The following PCDH11X variants were observed in gnomAD, a reference collection of about 807,000 sequenced individuals.
PCDH11X encodes the protein protocadherin 11 X-linked.
PCDH11X carries 18 observed loss-of-function variants against 53.3 expected under a neutral mutation model. The observed-to-expected ratio is 0.34, with a 90% CI of 0.23 to 0.50. PCDH11X has a LOEUF of 0.50. PCDH11X is among the 20% of genes least tolerant of loss of function. PCDH11X has a pLI of 0.98. For synonymous variants in PCDH11X, 279 were observed against 393.3 expected (o/e 0.71, Z 3.44); for missense variants, 570 against 1,032.4 (o/e 0.55, Z 6.14).
rs376700432 is a variant in PCDH11X at position 91,835,984 on chromosome X, C to T, written c.480C>T (p.Leu160=). ...ENSAINSKYT[L]PAAVDPDVGI... Reference sequence around the variant, plus strand: ...CGGCTATAAACTCTAAATATACTCTCCCAGCGGCTGTTGATCCTGACGTAG... The same window carrying T: ...CGGCTATAAACTCTAAATATACTCTTCCAGCGGCTGTTGATCCTGACGTAG... Residue 160 remains leucine (L), a synonymous_variant, in exon 5 of 11, where the codon CTC becomes CTT. Transcript: ENST00000682573. The T allele has an allele frequency of 2.5e-6, 3 of 1,211,163 alleles. No individual in the cohort carries two copies. Among genetic ancestry groups the T allele is most frequent in the Non-Finnish European group, 3.4e-6 (3 of 895,358 alleles).
chrX:92,560,119 C>T (rs2075110724), intron 10 of PCDH11X, among the ~76,000 whole-genome samples: 1 of 112,074 alleles, frequency 8.9e-6, no homozygotes, highest in Non-Finnish European at 1.9e-5. Context: ...ACCAGCTCAG[C>T]CACAGTAGGA....
intron 6 of PCDH11X, among the ~76,000 whole-genome samples, chrX:92,127,983 G>T (rs2064900332): frequency 8.9e-6 from 1 of 111,792 alleles, no homozygotes; most frequent in African/African-American, 3.3e-5. Context: ...AGCCAAAAGA[G>T]TAATTTTGTC....
chrX:92,431,714 A>G (rs2148625841), intron 9 of PCDH11X, among the ~76,000 whole-genome samples: 1 of 108,901 alleles, frequency 9.2e-6, no homozygotes, highest in South Asian at 4.0e-4. Flanking sequence ...GATCAAGGCA[A>G]GAATTTCGGA....
At chrX:92,474,219 C>T (rs1603339270) in intron 10 of PCDH11X, among the ~76,000 whole-genome samples, 3 of 110,916 alleles carry the variant, frequency 2.7e-5, no homozygotes, top group African/African-American at 9.8e-5. Flanking sequence ...TTCTTTGTCT[C>T]ATAGTTTTTA....
chrX:91,882,874 G>C (rs4252203), intron 6 of PCDH11X: 16,710 of 1,180,705 alleles, frequency 0.014, 110 homozygotes, highest in Non-Finnish European at 0.016. Flanking sequence ...ACAACCATCT[G>C]ATTTTGATAA....
chrX:92,201,122 C>T (rs1019870168), intron 6 of PCDH11X: 1 of 113,442 alleles, frequency 8.8e-6, no homozygotes, highest in South Asian at 3.7e-4. Context: ...TGTAACACTC[C>T]ATGTAAACTC....
At chrX:92,007,725 C>T (rs922217045) in intron 6 of PCDH11X, among the ~76,000 whole-genome samples, 2 of 111,728 alleles carry the variant, frequency 1.8e-5, no homozygotes, top group Admixed American at 1.9e-4. Context: ...AGTTTTGCCC[C>T]GGAGCCACCA....
At chrX:92,383,047 TA>T (rs1041382813) in intron 8 of PCDH11X, among the ~76,000 whole-genome samples, 2 of 109,538 alleles carry the variant, frequency 1.8e-5, no homozygotes, top group African/African-American at 3.3e-5. Context: ...TAATAATACA[TA>T]AAAGTACCTA....
chrX:92,428,567 T>C (rs971269486), intron 9 of PCDH11X, among the ~76,000 whole-genome samples: 1 of 110,968 alleles, frequency 9.0e-6, no homozygotes, highest in Non-Finnish European at 1.9e-5. Flanking sequence ...TAGCACTCCA[T>C]GAGCTTTATT....
intron 8 of PCDH11X, among the ~76,000 whole-genome samples, chrX:92,330,531 A>G (rs770497077): frequency 9.1e-6 from 1 of 109,785 alleles, no homozygotes; most frequent in South Asian, 3.9e-4. Flanking sequence ...TAATAAAGTT[A>G]AACCTACTCC....
At chrX:92,270,781 A>G (rs757756695) in intron 8 of PCDH11X, among the ~76,000 whole-genome samples, 3 of 112,327 alleles carry the variant, frequency 2.7e-5, no homozygotes, top group African/African-American at 6.5e-5. Context: ...TGGAGTAGCT[A>G]TCTATGGAGC....
At chrX:91,824,558 T>C (rs1037122286) in intron 4 of PCDH11X, among the ~76,000 whole-genome samples, 1 of 108,030 alleles carries the variant, frequency 9.3e-6, no homozygotes, top group Non-Finnish European at 1.9e-5. Context: ...GTATTGGTTA[T>C]TCTAGTTATA....
chrX:92,609,391 G>T (rs1252626872), intron 10 of PCDH11X, among the ~76,000 whole-genome samples: 3 of 111,177 alleles, frequency 2.7e-5, no homozygotes, highest in Non-Finnish European at 5.7e-5. Context: ...GAAGATTCTA[G>T]ATGTTTGGAA....
At chrX:92,430,088 A>G (rs776474300) in intron 9 of PCDH11X, among the ~76,000 whole-genome samples, 2 of 102,972 alleles carry the variant, frequency 1.9e-5, no homozygotes, top group South Asian at 8.5e-4. Context: ...ACCCACTGTG[A>G]AAATATCATT....
intron 6 of PCDH11X, among the ~76,000 whole-genome samples, chrX:91,954,989 A>G (rs1353048034): frequency 9.1e-6 from 1 of 109,980 alleles, no homozygotes; most frequent in African/African-American, 3.4e-5. Context: ...TTGCTATTGT[A>G]GCCATTGCTT....
intron 10 of PCDH11X, among the ~76,000 whole-genome samples, chrX:92,545,387 C>CTTTTTT (rs566573698): frequency 1.5e-5 from 1 of 66,053 alleles, no homozygotes; most frequent in Non-Finnish European, 2.6e-5. Flanking sequence ...GGTTAAATTC[C>CTTTTTT]TTTTTTTTTT....
In PCDH11X at chrX:92,138,670, C is replaced by T. The variant is rs201354769; in HGVS notation, c.3034-62705C>T. On this transcript the variant is annotated intron_variant, in intron 6 of 10. Transcript: ENST00000682573. The stretch of plus-strand genomic sequence containing the variant: ...TATTCGTCTTGACTTAAAAAGTGTC[C>T]AATGTATCAGAGCCCTAAAATTAAA... Among the ~76,000 whole-genome samples the T allele has an allele frequency of 2.7e-5, 3 of 110,302 alleles. No homozygotes were observed. In the East Asian group the frequency reaches 8.5e-4, roughly 31 times the overall value.
At chrX:91,783,283 A>G (rs994511161) in intron 1 of PCDH11X, among the ~76,000 whole-genome samples, 57 of 110,916 alleles carry the variant, frequency 5.1e-4, no homozygotes, top group African/African-American at 1.8e-3. Flanking sequence ...CATTTTCTAG[A>G]GCTCAGTCAT....
intron 8 of PCDH11X, among the ~76,000 whole-genome samples, chrX:92,322,534 T>A (rs1186737039): frequency 9.0e-6 from 1 of 111,530 alleles, no homozygotes; most frequent in Non-Finnish European, 1.9e-5. Flanking sequence ...AGTCTTTATA[T>A]CTTATTTACT....
Sources: gnomAD v4.1 joint callset for allele counts (sites outside exome capture counted in the v4.1 genomes callset) on GRCh38, gnomAD v4.1.1 for gene constraint, MANE v1.5 for transcripts, NCBI Gene and HGNC (gene_info 2026-07-23, HGNC 2026-07-21) for gene names.